The following PRKD1 variants were observed in gnomAD, a reference collection of about 807,000 sequenced individuals.
The protein encoded by PRKD1 is protein kinase D1.
In PRKD1, 63 loss-of-function variants were observed where a neutral mutation model predicts 95.9. The ratio of observed to expected loss-of-function variants is 0.66; its 90% CI spans 0.54 to 0.81. PRKD1 has a LOEUF of 0.81. Ranked by LOEUF, PRKD1 falls within the 30% of genes least tolerant of loss-of-function variation. The pLI, the probability that PRKD1 is intolerant of heterozygous loss-of-function variation, is 0.00. For missense variants in PRKD1, 1,048 were observed against 1,165.3 expected (o/e 0.90, Z 1.47); for synonymous variants, 425 against 423.1 (o/e 1.00, Z -0.05).
intron 13 of PRKD1, among the ~76,000 whole-genome samples, chr14:29,609,509 C>CACAT (rs1878285393): frequency 7.2e-6 from 1 of 138,914 alleles, no homozygotes; most frequent in African/African-American, 3.0e-5. Flanking sequence ...TGTGCGTGCA[C>CACAT]ACACACACAC....
chr14:29,664,596 G>A (rs1882377055), intron 3 of PRKD1, among the ~76,000 whole-genome samples: 1 of 152,152 alleles, frequency 6.6e-6, no homozygotes. Flanking sequence ...TTGTCTGCTA[G>A]CTTCCCTCTT....
At chr14:29,670,126 G>A (rs1017710774) in intron 2 of PRKD1, among the ~76,000 whole-genome samples, 5 of 152,138 alleles carry the variant, frequency 3.3e-5, no homozygotes, top group Admixed American at 6.5e-5. Context: ...ATGAGCTTAT[G>A]TAAGTAAAGC....
intron 1 of PRKD1, among the ~76,000 whole-genome samples, chr14:29,912,673 T>A (rs1894758812): frequency 2.0e-5 from 3 of 152,202 alleles, no homozygotes; most frequent in Admixed American, 1.3e-4. Context: ...ATTTTTTAAA[T>A]AAAAAACAAA....
In PRKD1 at chr14:29,626,529, G is replaced by GA; in HGVS notation, c.1752dup (p.Pro585SerfsTer2). 1 of 1,610,676 alleles carries GA rather than the reference G, an allele frequency of 6.2e-7. No homozygotes were observed. Among genetic ancestry groups the GA allele is most frequent in the Non-Finnish European group, 8.5e-7 (1 of 1,178,718 alleles). ...TGTCCAGAACCCAGTACTTCATCAG[G>GA]AAAAATCTGATATACTGTGCTGATG... On this transcript the variant is annotated frameshift_variant, in exon 12 of 18. Transcript: ENST00000331968. LOFTEE classifies it high-confidence loss of function.
At chr14:29,627,035 T>C (rs1474388971) in intron 11 of PRKD1, among the ~76,000 whole-genome samples, 1 of 152,212 alleles carries the variant, frequency 6.6e-6, no homozygotes, top group South Asian at 2.1e-4. Flanking sequence ...CTTTAATTAA[T>C]GTAATAACGT....
chr14:29,914,805 C>T (rs1287667864), intron 1 of PRKD1, among the ~76,000 whole-genome samples: 2 of 150,488 alleles, frequency 1.3e-5, no homozygotes, highest in Non-Finnish European at 2.9e-5. Flanking sequence ...CGGAGTCTTG[C>T]TCTGTCGCCC....
intron 12 of PRKD1, among the ~76,000 whole-genome samples, chr14:29,624,956 C>A (rs888479260): frequency 1.3e-5 from 2 of 151,930 alleles, no homozygotes; most frequent in African/African-American, 2.4e-5. Flanking sequence ...GTGGTAGGTA[C>A]AAAAATGTAG....
intron 1 of PRKD1, among the ~76,000 whole-genome samples, chr14:29,821,585 A>G (rs1422385964): frequency 6.6e-6 from 1 of 152,210 alleles, no homozygotes; most frequent in Non-Finnish European, 1.5e-5. Flanking sequence ...TAAACAAAGG[A>G]CTTTATTTTA....
intron 2 of PRKD1, among the ~76,000 whole-genome samples, chr14:29,682,773 G>C (rs1883607692): frequency 6.6e-6 from 1 of 152,164 alleles, no homozygotes; most frequent in South Asian, 2.1e-4. Context: ...TGCAGAACTT[G>C]GCTTCTCAGC....
chr14:29,832,332 TTTAA>T (rs1179135049), intron 1 of PRKD1, among the ~76,000 whole-genome samples: 9 of 152,218 alleles, frequency 5.9e-5, no homozygotes, highest in African/African-American at 2.2e-4. Context: ...AGCATGTTAA[TTTAA>T]TTGTTTAGAT....
chr14:29,894,014 C>T (rs1894031810), intron 1 of PRKD1, among the ~76,000 whole-genome samples: 1 of 152,140 alleles, frequency 6.6e-6, no homozygotes, highest in African/African-American at 2.4e-5. Flanking sequence ...AAACATGTTG[C>T]ATGAATATTT....
At chr14:29,604,812 C>A (rs1274819190) in intron 13 of PRKD1, among the ~76,000 whole-genome samples, 2 of 152,056 alleles carry the variant, frequency 1.3e-5, no homozygotes, top group African/African-American at 2.4e-5. Context: ...AAGATAATAC[C>A]CAAATTGATA....
chr14:29,794,999 A>G (rs1282863184), intron 1 of PRKD1, among the ~76,000 whole-genome samples: 3 of 152,082 alleles, frequency 2.0e-5, no homozygotes, highest in Non-Finnish European at 4.4e-5. Context: ...TTTAATTTAC[A>G]TTTCTATAAT....
At chr14:29,708,278 T>C (rs1234171768) in intron 2 of PRKD1, among the ~76,000 whole-genome samples, 1 of 152,120 alleles carries the variant, frequency 6.6e-6, no homozygotes, top group Non-Finnish European at 1.5e-5. Context: ...ATTTAAAGGA[T>C]GACATTAAAA....
At chr14:29,883,558 G>A (rs1893591781) in intron 1 of PRKD1, among the ~76,000 whole-genome samples, 1 of 152,108 alleles carries the variant, frequency 6.6e-6, no homozygotes, top group South Asian at 2.1e-4. Context: ...TTCTAAAAAT[G>A]CATATTCATT....
intron 1 of PRKD1, among the ~76,000 whole-genome samples, chr14:29,840,073 G>A (rs1210413009): frequency 6.6e-6 from 1 of 151,996 alleles, no homozygotes; most frequent in Non-Finnish European, 1.5e-5. Flanking sequence ...TCAGAAAATG[G>A]GATTTTCTTT....
chr14:29,580,958 T>C (rs996966341), intron 16 of PRKD1, among the ~76,000 whole-genome samples: 6 of 151,968 alleles, frequency 3.9e-5, no homozygotes, highest in Non-Finnish European at 8.8e-5. Context: ...GGCACATGCA[T>C]GCCCCTCCCC....
intron 1 of PRKD1, among the ~76,000 whole-genome samples, chr14:29,874,692 T>C (rs1020453596): frequency 6.6e-6 from 1 of 152,098 alleles, no homozygotes; most frequent in Non-Finnish European, 1.5e-5. Context: ...TGCAACAACA[T>C]GGACATAAAC....
intron 1 of PRKD1, among the ~76,000 whole-genome samples, chr14:29,826,447 CAT>C (rs1303173908): frequency 4.7e-4 from 29 of 61,912 alleles, no homozygotes; most frequent in African/African-American, 2.1e-3. Context: ...TATATATATA[CAT>C]ATATATGATG....
Sources: gnomAD v4.1 joint callset for allele counts (sites outside exome capture counted in the v4.1 genomes callset) on GRCh38, gnomAD v4.1.1 for gene constraint, MANE v1.5 for transcripts, NCBI Gene and HGNC (gene_info 2026-07-23, HGNC 2026-07-21) for gene names.